The following DSCAM variants were observed in gnomAD, a reference collection of about 807,000 sequenced individuals.
The protein encoded by DSCAM is cell adhesion molecule DSCAM.
Under a neutral mutation model 217.7 loss-of-function variants are expected in DSCAM, and 47 were observed. The observed-to-expected ratio is 0.22, with a 90% CI of 0.17 to 0.28. The LOEUF is 0.28. Among genes scored for constraint, DSCAM ranks in the 10% least tolerant of loss-of-function variants. The pLI is 1.00. For missense variants in DSCAM, 2,080 were observed against 2,618.3 expected (o/e 0.79, Z 4.49); for synonymous variants, 1,056 against 1,015.3 (o/e 1.04, Z -0.76).
chr21:40,182,643 G>GGGGGCT (rs2090828243), intron 14 of DSCAM, among the ~76,000 whole-genome samples: 1 of 129,680 alleles, frequency 7.7e-6, no homozygotes, highest in African/African-American at 3.4e-5. Context: ...CCGTGGACAG[G>GGGGGCT]AGGGGGTTAC....
At chr21:40,466,809 G>A (rs541361988) in intron 3 of DSCAM, among the ~76,000 whole-genome samples, 8 of 152,212 alleles carry the variant, frequency 5.3e-5, no homozygotes, top group African/African-American at 1.9e-4. Context: ...GAGTGGACAA[G>A]GTTCCAATGA....
At chr21:40,843,578 G>A (rs1474426288) in intron 1 of DSCAM, among the ~76,000 whole-genome samples, 1 of 152,132 alleles carries the variant, frequency 6.6e-6, no homozygotes, top group Admixed American at 6.5e-5. Context: ...CAATGCAGTA[G>A]GAAGCTTTGC....
At chr21:40,126,507 C>T (rs2090095578) in intron 19 of DSCAM, among the ~76,000 whole-genome samples, 1 of 152,202 alleles carries the variant, frequency 6.6e-6, no homozygotes, top group Non-Finnish European at 1.5e-5. Flanking sequence ...AATGCAGATG[C>T]TACACATTAA....
chr21:40,732,828 C>T (rs1322154231), intron 1 of DSCAM, among the ~76,000 whole-genome samples: 2 of 152,252 alleles, frequency 1.3e-5, no homozygotes, highest in East Asian at 1.9e-4. Flanking sequence ...TGTGCGAGTC[C>T]TGGGCTTGGA....
intron 3 of DSCAM, among the ~76,000 whole-genome samples, chr21:40,417,726 G>A (rs574520417): frequency 1.1e-4 from 16 of 152,068 alleles, no homozygotes; most frequent in Middle Eastern, 3.4e-3. Context: ...AATTATAATC[G>A]TTGTGCTTAG....
At chr21:40,097,954 A>AG (rs1443199395) in intron 20 of DSCAM, among the ~76,000 whole-genome samples, 1 of 51,518 alleles carries the variant, frequency 1.9e-5, no homozygotes, top group Non-Finnish European at 3.6e-5. Flanking sequence ...AAAAAAAAAA[A>AG]AAAGAAAGAA....
intron 3 of DSCAM, among the ~76,000 whole-genome samples, chr21:40,378,171 C>T (rs1378768159): frequency 3.9e-5 from 6 of 152,046 alleles, no homozygotes; most frequent in Non-Finnish European, 8.8e-5. Context: ...CTTAATATTG[C>T]AAAAATGTCA....
intron 2 of DSCAM, among the ~76,000 whole-genome samples, chr21:40,696,435 C>A (rs1228049686): frequency 6.6e-6 from 1 of 152,196 alleles, no homozygotes. Context: ...CCCAGCCACA[C>A]CTGACATGCT....
intron 3 of DSCAM, among the ~76,000 whole-genome samples, chr21:40,578,904 A>G (rs2076879700): frequency 6.6e-6 from 1 of 152,220 alleles, no homozygotes. Context: ...TTTAATTTTC[A>G]AGTGACATGG....
At chr21:40,227,940 T>G (rs11911268) in intron 11 of DSCAM, among the ~76,000 whole-genome samples, 13,356 of 152,252 alleles carry the variant, frequency 0.088, 1,126 homozygotes, top group African/African-American at 0.21. Flanking sequence ...TTCTACATTC[T>G]GCCATCATGT....
At chr21:40,132,144 C>A (rs935150626) in intron 19 of DSCAM, among the ~76,000 whole-genome samples, 5 of 152,214 alleles carry the variant, frequency 3.3e-5, no homozygotes, top group African/African-American at 1.2e-4. Context: ...CACCCCTACT[C>A]TGAAGGAGTG....
At chr21:40,557,052 T>C (rs1248360284) in intron 3 of DSCAM, among the ~76,000 whole-genome samples, 1 of 151,888 alleles carries the variant, frequency 6.6e-6, no homozygotes, top group East Asian at 1.9e-4. Flanking sequence ...TACTGAAAAA[T>C]ATCCACATGT....
chr21:40,653,234 G>T (rs948721308), intron 3 of DSCAM, among the ~76,000 whole-genome samples: 1 of 152,158 alleles, frequency 6.6e-6, no homozygotes, highest in Admixed American at 6.5e-5. Context: ...CCCAAGGGGT[G>T]GTCTCAGGAA....
At chr21:40,430,845 A>G (rs77922164) in intron 3 of DSCAM, among the ~76,000 whole-genome samples, 8,208 of 152,260 alleles carry the variant, frequency 0.054, 314 homozygotes, top group Middle Eastern at 0.078. Context: ...GACGCACTTG[A>G]GGCAGAACAC....
At chr21:40,633,607 C>T (rs1268043521) in intron 3 of DSCAM, among the ~76,000 whole-genome samples, 4 of 152,184 alleles carry the variant, frequency 2.6e-5, no homozygotes, top group South Asian at 4.1e-4. Context: ...ACGTACAGTA[C>T]GTGCACATGG....
In DSCAM at chr21:40,280,181, C is replaced by CTTTTTTTTT. The variant is rs3988427; in HGVS notation, c.2183-3920_2183-3912dup. 1.7e-5 allele frequency among the ~76,000 whole-genome samples: 2 copies of CTTTTTTTTT among 118,950 alleles called. 1 individual carries two copies. Among genetic ancestry groups the CTTTTTTTTT allele is most frequent in the African/African-American group, 6.6e-5 (2 of 30,092 alleles). The allele number at this position is 118,950 out of a possible 152,430, so 78.0% of individuals were successfully genotyped here. A position where few individuals can be genotyped will look rare whatever the true frequency, so the allele number is the denominator to read the frequency against. On this transcript the variant is annotated intron_variant, in intron 10 of 32. Coordinates refer to ENST00000400454, the MANE Select transcript of DSCAM (RefSeq NM_001389.5). ...GAAAGTTCACAGCAGATTTTGGTGC[C>CTTTTTTTTT]TTTTTTTTTTTTTTTTTTGAGACAG... is the stretch of plus-strand genomic sequence containing the variant.
intron 30 of DSCAM, among the ~76,000 whole-genome samples, chr21:40,051,012 G>A (rs114939761): frequency 0.036 from 5,432 of 152,196 alleles, 158 homozygotes; most frequent in African/African-American, 0.077. Context: ...ATGTTATTTC[G>A]TAGGCAATGG....
chr21:40,536,484 C>A (rs1168307780), intron 3 of DSCAM, among the ~76,000 whole-genome samples: 1 of 150,820 alleles, frequency 6.6e-6, no homozygotes, highest in Admixed American at 6.6e-5. Context: ...TCACTGCAAG[C>A]TCCGCCTCCC....
In DSCAM at chr21:40,101,209, T is replaced by C. The variant is rs895632216; in HGVS notation, c.3697-7335A>G. Among the ~76,000 whole-genome samples, 12 of 152,358 alleles carry C rather than the reference T, an allele frequency of 7.9e-5. No individual in the cohort carries two copies. The South Asian group carries it at 2.5e-3, about 32-fold the overall frequency. Reference sequence around the variant, plus strand: ...GCATCTGTCATATATTCCTCTTGGCTAGCTGAGGAAAAAGCCTGTTATTTC... The same window carrying C: ...GCATCTGTCATATATTCCTCTTGGCCAGCTGAGGAAAAAGCCTGTTATTTC... On this transcript the variant is annotated intron_variant, in intron 20 of 32. Coordinates refer to ENST00000400454, the MANE Select transcript of DSCAM (RefSeq NM_001389.5).
Sources: allele counts gnomAD v4.1 joint callset (sites outside exome capture counted in the v4.1 genomes callset), GRCh38; gene constraint gnomAD v4.1.1; transcripts MANE v1.5; gene names NCBI Gene and HGNC (gene_info 2026-07-23, HGNC 2026-07-21).